Variants in CACNB4 observed in about 807,000 individuals in gnomAD.
CACNB4 encodes voltage-dependent L-type calcium channel subunit beta-4.
CACNB4 carries 32 observed loss-of-function variants against 71.2 expected under a neutral mutation model. The ratio of observed to expected loss-of-function variants is 0.45; its 90% CI spans 0.34 to 0.60. The LOEUF (loss-of-function observed/expected upper bound fraction) is 0.60, where lower values mean the gene tolerates loss of function less well. Ranked by LOEUF, CACNB4 falls within the 20% of genes least tolerant of loss-of-function variation. CACNB4 has a pLI of 0.01. For synonymous variants in CACNB4, 231 were observed against 236.9 expected, an observed-to-expected ratio of 0.97 and a Z score of 0.23; for missense variants, 464 against 647.9, an observed-to-expected ratio of 0.72 and a Z score of 3.08.
intron 9 of CACNB4, among the ~76,000 whole-genome samples, chr2:151,865,466 A>C (rs2099842830): frequency 6.6e-6 from 1 of 152,234 alleles, no homozygotes; most frequent in African/African-American, 2.4e-5. Flanking sequence ...AGTTGATCTG[A>C]TCCAGTTGTC....
At chr2:151,850,706 C>G (rs1479719903) in intron 12 of CACNB4, 1 of 152,160 alleles carries the variant, frequency 6.6e-6, no homozygotes, top group African/African-American at 2.4e-5. Flanking sequence ...AAGCTGTGCA[C>G]ACTATTTGTC....
chr2:151,855,143 T>C lies in CACNB4; in HGVS notation c.1020+81A>G, dbSNP rs1275521674. On this transcript the variant is annotated intron_variant, in intron 11 of 13. Coordinates refer to ENST00000539935, the MANE Select transcript of CACNB4 (RefSeq NM_000726.5). The stretch of plus-strand genomic sequence containing the variant: ...ATAATCAGCAAGACGTTCTCCTTTG[T>C]CCACTAACAAAAAACCACAGAGCAA... 37 of 868,720 alleles carry C rather than the reference T, an allele frequency of 4.3e-5. No homozygotes were observed. In the Admixed American group the frequency reaches 8.7e-4, roughly 20 times the overall value. The allele number at this position is 868,720 out of a possible 1,614,324, so 53.8% of individuals were successfully genotyped here.
At chr2:152,069,403 A>G (rs1334501706) in intron 2 of CACNB4, among the ~76,000 whole-genome samples, 2 of 151,918 alleles carry the variant, frequency 1.3e-5, no homozygotes, top group Non-Finnish European at 2.9e-5. Context: ...TAGGAAATTG[A>G]TCTTGCAGCA....
At chr2:152,056,444 C>T (rs1222295401) in intron 2 of CACNB4, among the ~76,000 whole-genome samples, 3 of 152,102 alleles carry the variant, frequency 2.0e-5, no homozygotes, top group African/African-American at 7.2e-5. Context: ...CAATTATCTC[C>T]CATGTTTCAC....
intron 12 of CACNB4, among the ~76,000 whole-genome samples, chr2:151,849,304 G>T (rs1405970253): frequency 1.3e-5 from 2 of 152,110 alleles, no homozygotes; most frequent in Non-Finnish European, 2.9e-5. Flanking sequence ...ACTCTGTCGG[G>T]TAGAGTGCAG....
chr2:151,999,345 G>GAAAGAAAT (rs1361318097), intron 2 of CACNB4, among the ~76,000 whole-genome samples: 1 of 148,680 alleles, frequency 6.7e-6, no homozygotes, highest in East Asian at 1.9e-4. Context: ...CCAGTTGATG[G>GAAAGAAAT]TACCTTATTC....
At chr2:151,950,262 T>A (rs932038434) in intron 2 of CACNB4, among the ~76,000 whole-genome samples, 4 of 152,178 alleles carry the variant, frequency 2.6e-5, no homozygotes, top group Middle Eastern at 3.4e-3. Flanking sequence ...AATAAAGGCA[T>A]CCTAATGTAC....
At chr2:151,848,657 G>A (rs1041263468) in intron 12 of CACNB4, among the ~76,000 whole-genome samples, 15 of 152,028 alleles carry the variant, frequency 9.9e-5, no homozygotes, top group African/African-American at 3.6e-4. Flanking sequence ...ACTCTACTGA[G>A]GAGATGAGTT....
At chr2:152,023,442 T>C (rs1295575897) in intron 2 of CACNB4, among the ~76,000 whole-genome samples, 1 of 152,134 alleles carries the variant, frequency 6.6e-6, no homozygotes, top group Non-Finnish European at 1.5e-5. Context: ...AGGTGCTTTT[T>C]TTTTTTGGTC....
At chr2:151,970,957 T>C (rs2151728691) in intron 2 of CACNB4, 1 of 149,416 alleles carries the variant, frequency 6.7e-6, no homozygotes, top group South Asian at 2.1e-4. Context: ...GAATCTAAAA[T>C]GTCCAGCCTG....
chr2:152,065,655 A>G (rs1306792465), intron 2 of CACNB4, among the ~76,000 whole-genome samples: 1 of 152,222 alleles, frequency 6.6e-6, no homozygotes, highest in African/African-American at 2.4e-5. Context: ...GCAGAAATTT[A>G]CTTACATCAT....
At chr2:151,935,637 C>G (rs761714836) in intron 2 of CACNB4, among the ~76,000 whole-genome samples, 3 of 152,182 alleles carry the variant, frequency 2.0e-5, no homozygotes, top group Non-Finnish European at 4.4e-5. Flanking sequence ...GGATAGAAAT[C>G]CACTTTACTT....
chr2:152,026,721 A>T (rs542578979), intron 2 of CACNB4, among the ~76,000 whole-genome samples: 96 of 152,150 alleles, frequency 6.3e-4, no homozygotes, highest in African/African-American at 2.2e-3. Flanking sequence ...AGAATTGTCC[A>T]TATTAACTGA....
chr2:151,911,292 T>G (rs2099856096), intron 2 of CACNB4, among the ~76,000 whole-genome samples: 1 of 152,194 alleles, frequency 6.6e-6, no homozygotes, highest in African/African-American at 2.4e-5. Context: ...ATACCCTTTC[T>G]TTCTTTCTCT....
At chr2:152,051,979 C>A (rs1176521320) in intron 2 of CACNB4, among the ~76,000 whole-genome samples, 1 of 152,224 alleles carries the variant, frequency 6.6e-6, no homozygotes, top group East Asian at 1.9e-4. Flanking sequence ...CCTCTTGTAT[C>A]TGGCTTCTTT....
At chr2:151,885,657 A>G (rs1024875331) in intron 2 of CACNB4, among the ~76,000 whole-genome samples, 3 of 152,380 alleles carry the variant, frequency 2.0e-5, no homozygotes, top group Admixed American at 6.5e-5. Flanking sequence ...AAGATGTACT[A>G]TAAACCTGAT....
intron 2 of CACNB4, among the ~76,000 whole-genome samples, chr2:151,976,621 GT>G (rs1205549447): frequency 6.6e-6 from 1 of 152,188 alleles, no homozygotes; most frequent in Non-Finnish European, 1.5e-5. Context: ...TCACCTAAGG[GT>G]TTCAACCCAA....
intron 2 of CACNB4, among the ~76,000 whole-genome samples, chr2:152,000,869 C>T (rs1051328549): frequency 5.3e-5 from 8 of 152,128 alleles, no homozygotes; most frequent in Non-Finnish European, 1.2e-4. Flanking sequence ...GAAAAGTGCG[C>T]GGGCTCTTGA....
At chr2:152,025,820 A>T (rs938617313) in intron 2 of CACNB4, among the ~76,000 whole-genome samples, 1 of 152,220 alleles carries the variant, frequency 6.6e-6, no homozygotes, top group Non-Finnish European at 1.5e-5. Flanking sequence ...AGTCACAGTT[A>T]CACTTGTTAT....
Sources: allele counts gnomAD v4.1 joint callset (sites outside exome capture counted in the v4.1 genomes callset), GRCh38; gene constraint gnomAD v4.1.1; transcripts MANE v1.5; gene names NCBI Gene and HGNC (gene_info 2026-07-23, HGNC 2026-07-21).